RNF121: variants seen among roughly 807,000 people sequenced by gnomAD.
The protein encoded by RNF121 is E3 ubiquitin ligase RNF121.
In RNF121, 21 loss-of-function variants were observed where a neutral mutation model predicts 46.5. The observed-to-expected ratio is 0.45, with a 90% CI of 0.32 to 0.65. The LOEUF is 0.65. RNF121 is among the 30% of genes least tolerant of loss of function. The pLI is 0.04. For synonymous variants in RNF121, 139 were observed against 144.7 expected (o/e 0.96, Z 0.28); for missense variants, 346 against 416.0 (o/e 0.83, Z 1.46).
Position 71,994,749 on chromosome 11 carries a change from C to T in RNF121, c.658C>T (p.His220Tyr), listed in dbSNP as rs761242301. 6.2e-7 allele frequency: 1 copy of T among 1,614,146 alleles called. No individual in the cohort carries two copies. Residue 220 changes from histidine to tyrosine, a missense_variant, in exon 7 of 9, where the codon CAT becomes TAT. By Grantham distance (83) the His-to-Tyr change is moderately conservative (BLOSUM62 2). Coordinates refer to ENST00000361756, the MANE Select transcript of RNF121 (RefSeq NM_018320.5). The part of the protein sequence containing the change: ...FYSESGMPTK[H>Y]LSDSVCAVCG... ...CAGCGAGTCGGGCATGCCTACCAAACATCTTTCAGACAGTGTGTGTGCTGT... is the reference window on the plus strand; with the variant it reads ...CAGCGAGTCGGGCATGCCTACCAAATATCTTTCAGACAGTGTGTGTGCTGT...
At chr11:71,950,125 C>A (rs1289743696) in intron 1 of RNF121, among the ~76,000 whole-genome samples, 1 of 152,088 alleles carries the variant, frequency 6.6e-6, no homozygotes, top group South Asian at 2.1e-4. Flanking sequence ...ATGAAAGGAT[C>A]AGCTGAATTG....
chr11:71,945,419 C>T (rs1953690944), intron 1 of RNF121, among the ~76,000 whole-genome samples: 1 of 152,156 alleles, frequency 6.6e-6, no homozygotes, highest in South Asian at 2.1e-4. Context: ...CCTCTGGATT[C>T]TTCTGCAATA....
intron 2 of RNF121, among the ~76,000 whole-genome samples, chr11:71,958,619 G>A (rs1341121503): frequency 2.6e-5 from 4 of 152,120 alleles, no homozygotes; most frequent in Non-Finnish European, 5.9e-5. Flanking sequence ...CCAGCACTTT[G>A]GGAGGCCAAG....
chr11:71,948,136 G>C (rs1156865118), intron 1 of RNF121, among the ~76,000 whole-genome samples: 1 of 152,160 alleles, frequency 6.6e-6, no homozygotes, highest in Admixed American at 6.5e-5. Flanking sequence ...GAGGAAGCCA[G>C]ACTGAAAAAT....
chr11:71,949,692 T>TC (rs752046995), intron 1 of RNF121, among the ~76,000 whole-genome samples: 4 of 151,558 alleles, frequency 2.6e-5, no homozygotes, highest in Admixed American at 6.6e-5. Flanking sequence ...AGAGTAAGAC[T>TC]CCATCTCAAA....
chr11:71,952,431 A>T (rs940591167), intron 1 of RNF121, among the ~76,000 whole-genome samples: 9 of 152,360 alleles, frequency 5.9e-5, no homozygotes, highest in South Asian at 2.1e-4. Context: ...AAAAATCTCG[A>T]ATAGTATACT....
At chr11:71,947,063 A>G (rs1352150763) in intron 1 of RNF121, among the ~76,000 whole-genome samples, 3 of 151,676 alleles carry the variant, frequency 2.0e-5, no homozygotes, top group Non-Finnish European at 2.9e-5. Flanking sequence ...ACGGGGTTTC[A>G]CCATGTTGCC....
intron 1 of RNF121, among the ~76,000 whole-genome samples, chr11:71,932,607 C>T (rs1401025091): frequency 1.3e-5 from 2 of 152,130 alleles, no homozygotes; most frequent in Non-Finnish European, 2.9e-5. Flanking sequence ...TATTAGTATT[C>T]CCTATTTGTG....
intron 1 of RNF121, among the ~76,000 whole-genome samples, chr11:71,951,362 A>G (rs1485355766): frequency 6.6e-6 from 1 of 152,098 alleles, no homozygotes; most frequent in Non-Finnish European, 1.5e-5. Context: ...TTTTTTCTTC[A>G]CTGAGAAGGG....
Position 71,939,838 on chromosome 11 carries a change from T to C in RNF121, c.63+10714T>C, listed in dbSNP as rs1050319066. ...TACTCTTTTTAGTCTTGGGAATTAATAAATGGACAAAGAGACTATCTCTGC... is the reference window on the plus strand; with the variant it reads ...TACTCTTTTTAGTCTTGGGAATTAACAAATGGACAAAGAGACTATCTCTGC... On this transcript the variant is annotated intron_variant, in intron 1 of 8. Coordinates refer to ENST00000361756, the MANE Select transcript of RNF121 (RefSeq NM_018320.5). Among the ~76,000 whole-genome samples the C allele has an allele frequency of 3.3e-5, 5 of 152,214 alleles. No homozygotes were observed. The East Asian group carries it at 9.6e-4, about 29-fold the overall frequency.
At chr11:71,978,998 C>T (rs1168580834) in intron 3 of RNF121, among the ~76,000 whole-genome samples, 1 of 152,206 alleles carries the variant, frequency 6.6e-6, no homozygotes, top group Non-Finnish European at 1.5e-5. Context: ...TGAAGGCTAA[C>T]AGAATCATTG....
intron 6 of RNF121, among the ~76,000 whole-genome samples, chr11:71,992,383 A>C (rs1406153773): frequency 6.6e-6 from 1 of 152,202 alleles, no homozygotes; most frequent in African/African-American, 2.4e-5. Context: ...TACACATTTC[A>C]TTTCAACATT....
At chr11:71,958,628 A>G (rs1015571493) in intron 2 of RNF121, among the ~76,000 whole-genome samples, 2 of 152,146 alleles carry the variant, frequency 1.3e-5, no homozygotes, top group African/African-American at 4.8e-5. Flanking sequence ...TGGGAGGCCA[A>G]GGTAGGAGGA....
intron 3 of RNF121, among the ~76,000 whole-genome samples, chr11:71,981,332 G>A (rs1381648062): frequency 2.0e-5 from 3 of 152,190 alleles, no homozygotes; most frequent in Non-Finnish European, 4.4e-5. Flanking sequence ...TTACAAGTGT[G>A]AGCCACCACG....
At position 71,987,067 on chromosome 11, in the gene RNF121, C is replaced by T. The variant is rs1954785708; in HGVS notation, c.462C>T (p.Tyr154=). The part of the protein sequence containing the change: ...KISYATGIVG[Y]MAVMFTLFGL... ...GCTATGCCACTGGCATTGTTGGCTACATGGCTGTCATGTTTACCCTCTTTG... is the reference window on the plus strand; with the variant it reads ...GCTATGCCACTGGCATTGTTGGCTATATGGCTGTCATGTTTACCCTCTTTG... Residue 154 remains tyrosine (Y), a synonymous_variant, in exon 5 of 9, where the codon TAC becomes TAT. Transcript: ENST00000361756. 1.9e-6 allele frequency: 3 copies of T among 1,613,624 alleles called. No individual in the cohort carries two copies. The highest frequency in any genetic ancestry group is 1.6e-4 in the Middle Eastern group (1 of 6,082).
intron 6 of RNF121, among the ~76,000 whole-genome samples, chr11:71,994,258 T>C (rs1418387284): frequency 2.0e-5 from 3 of 152,194 alleles, no homozygotes; most frequent in Non-Finnish European, 2.9e-5. Context: ...CTGCCACAAA[T>C]GTCTGAGAAT....
At chr11:71,952,116 C>T (rs77480741) in intron 1 of RNF121, among the ~76,000 whole-genome samples, 4,947 of 152,166 alleles carry the variant, frequency 0.033, 76 homozygotes, top group East Asian at 0.078. Context: ...GGTATTTATA[C>T]GATGGAATAT....
At chr11:71,990,776 A>G in intron 6 of RNF121, 59 bp downstream of exon 6, 1 of 1,597,044 alleles carries the variant, frequency 6.3e-7, no homozygotes, top group South Asian at 1.1e-5. Flanking sequence ...GCTCAAGTTG[A>G]TGTCACTTGT....
Position 71,938,237 on chromosome 11 carries a change from A to G in RNF121, c.63+9113A>G, listed in dbSNP as rs185237145. The stretch of plus-strand genomic sequence containing the variant: ...GAACAGTCTTTTCTCCTATTTTAGT[A>G]ACAGGAATAGCTAACTTTTTTAGTG... On this transcript the variant is annotated intron_variant, in intron 1 of 8. Transcript: ENST00000361756. 2.0e-3 allele frequency among the ~76,000 whole-genome samples: 309 copies of G among 152,192 alleles called. 1 individual carries two copies. The highest frequency in any genetic ancestry group is 7.3e-3 in the African/African-American group (301 of 41,516).
Sources: allele counts gnomAD v4.1 joint callset (sites outside exome capture counted in the v4.1 genomes callset), GRCh38; gene constraint gnomAD v4.1.1; transcripts MANE v1.5; gene names NCBI Gene and HGNC (gene_info 2026-07-23, HGNC 2026-07-21).